Variants in SEMA5A observed in about 807,000 individuals in gnomAD.
SEMA5A encodes semaphorin 5A, also known as semaphorin-5A.
In SEMA5A, 55 loss-of-function variants were observed where a neutral mutation model predicts 135.5. The observed-to-expected ratio is 0.41, with a 90% CI of 0.33 to 0.51. The LOEUF is 0.51. SEMA5A is among the 20% of genes least tolerant of loss of function. SEMA5A has a pLI of 0.37. For synonymous variants in SEMA5A, 580 were observed against 546.5 expected (o/e 1.06, Z -0.85); for missense variants, 1,290 against 1,419.9 (o/e 0.91, Z 1.47).
At chr5:9,401,305 T>G (rs1310903311) in intron 2 of SEMA5A, among the ~76,000 whole-genome samples, 2 of 152,236 alleles carry the variant, frequency 1.3e-5, no homozygotes. Context: ...CATATTTTAC[T>G]GTACAGTGTG....
chr5:9,451,384 A>G (rs1758639325), intron 1 of SEMA5A, among the ~76,000 whole-genome samples: 1 of 152,186 alleles, frequency 6.6e-6, no homozygotes, highest in Admixed American at 6.5e-5. Flanking sequence ...GACTGGGAAC[A>G]AACTGCCTTG....
Position 9,202,299 on chromosome 5 carries a change from T to C in SEMA5A, c.647-59A>G, listed in dbSNP as rs1745761086. ...ACATTCATGTCATTCCCTTTTGGTCTTGCCTGCTCAGTATTTCATCCAAAG... is the reference window on the plus strand; with the variant it reads ...ACATTCATGTCATTCCCTTTTGGTCCTGCCTGCTCAGTATTTCATCCAAAG... On this transcript the variant is annotated intron_variant, in intron 8 of 22. Transcript: ENST00000382496. 1.7e-5 allele frequency: 26 copies of C among 1,558,142 alleles called. 1 individual carries two copies. The South Asian group carries it at 3.0e-4, about 18-fold the overall frequency.
chr5:9,161,510 A>G (rs552917345), intron 11 of SEMA5A, among the ~76,000 whole-genome samples: 1 of 152,250 alleles, frequency 6.6e-6, no homozygotes, highest in African/African-American at 2.4e-5. Context: ...ATATGTAATC[A>G]ATATAAAATA....
chr5:9,333,980 G>A (rs1753270901), intron 4 of SEMA5A, among the ~76,000 whole-genome samples: 1 of 151,956 alleles, frequency 6.6e-6, no homozygotes, highest in Non-Finnish European at 1.5e-5. Context: ...TGTGCATCCT[G>A]GAAATGAAAA....
chr5:9,501,464 T>A, intron 1 of SEMA5A, among the ~76,000 whole-genome samples: 1 of 152,136 alleles, frequency 6.6e-6, no homozygotes, highest in Non-Finnish European at 1.5e-5. Context: ...CCTTCTGAGT[T>A]TTTTCCTATG....
At chr5:9,049,425 A>C (rs978088404) in intron 21 of SEMA5A, among the ~76,000 whole-genome samples, 1 of 152,196 alleles carries the variant, frequency 6.6e-6, no homozygotes, top group African/African-American at 2.4e-5. Context: ...TCGGCCTCCC[A>C]AAGTGCTGGG....
intron 2 of SEMA5A, among the ~76,000 whole-genome samples, chr5:9,425,720 T>C (rs952348176): frequency 6.6e-6 from 1 of 152,230 alleles, no homozygotes; most frequent in African/African-American, 2.4e-5. Flanking sequence ...CAAGATTCCA[T>C]TTGGAGAAAC....
At chr5:9,464,586 A>G (rs1410929862) in intron 1 of SEMA5A, among the ~76,000 whole-genome samples, 1 of 152,170 alleles carries the variant, frequency 6.6e-6, no homozygotes, top group Non-Finnish European at 1.5e-5. Flanking sequence ...TTTTCAGTCA[A>G]ATTAGAGTTA....
At chr5:9,393,848 A>G (rs1240633615) in intron 2 of SEMA5A, among the ~76,000 whole-genome samples, 1 of 152,214 alleles carries the variant, frequency 6.6e-6, no homozygotes, top group Non-Finnish European at 1.5e-5. Context: ...TCATAGCAGC[A>G]TTGTTCATAA....
chr5:9,066,108 C>T (rs1737448383), intron 17 of SEMA5A, among the ~76,000 whole-genome samples: 1 of 152,202 alleles, frequency 6.6e-6, no homozygotes, highest in South Asian at 2.1e-4. Flanking sequence ...TATGAAAGAT[C>T]AGTGATGCTT....
chr5:9,310,426 C>A (rs940965865), intron 5 of SEMA5A, among the ~76,000 whole-genome samples: 13 of 151,898 alleles, frequency 8.6e-5, no homozygotes, highest in Non-Finnish European at 1.3e-4. Flanking sequence ...ACTTCTATGA[C>A]AATAAGAACA....
At chr5:9,257,544 G>A (rs1052221299) in intron 5 of SEMA5A, among the ~76,000 whole-genome samples, 3 of 151,598 alleles carry the variant, frequency 2.0e-5, no homozygotes, top group Admixed American at 2.0e-4. Context: ...AAAACAGTCA[G>A]CATTAACACA....
At chr5:9,419,697 T>C (rs577108771) in intron 2 of SEMA5A, among the ~76,000 whole-genome samples, 4 of 152,254 alleles carry the variant, frequency 2.6e-5, no homozygotes, top group Admixed American at 6.5e-5. Context: ...CACAAGTACA[T>C]GGCAGATTTA....
intron 16 of SEMA5A, among the ~76,000 whole-genome samples, chr5:9,096,565 T>A (rs1180147409): frequency 6.6e-6 from 1 of 151,046 alleles, no homozygotes; most frequent in Non-Finnish European, 1.5e-5. Context: ...TGTGTGTGTG[T>A]GTGTGTGTGT....
rs3842076 is a variant in SEMA5A, at chr5:9,352,094, C to CGGGGGG, written c.125-14288_125-14283dup. Among the ~76,000 whole-genome samples the CGGGGGG allele has an allele frequency of 2.0e-4, 27 of 132,348 alleles. 1 individual carries two copies. Among genetic ancestry groups the CGGGGGG allele is most frequent in the South Asian group, 8.6e-4 (3 of 3,482 alleles). 86.8% of individuals were successfully genotyped at this position (132,348 alleles called of 152,430 possible). On this transcript the variant is annotated intron_variant, in intron 3 of 22. Coordinates refer to ENST00000382496, the MANE Select transcript of SEMA5A (RefSeq NM_003966.3). ...TCAAATTCTAATGAATGTAACAGGT[C>CGGGGGG]GGGGGGGTTACTTAAGAGTAGGGTA...
At chr5:9,129,921 C>G (rs1741316115) in intron 13 of SEMA5A, among the ~76,000 whole-genome samples, 1 of 152,174 alleles carries the variant, frequency 6.6e-6, no homozygotes, top group Admixed American at 6.5e-5. Flanking sequence ...AAGAATCAAA[C>G]AAGCTAGTCC....
At chr5:9,276,276 GGAACAACAAACCACT>G (rs1270199767) in intron 5 of SEMA5A, among the ~76,000 whole-genome samples, 6 of 152,204 alleles carry the variant, frequency 3.9e-5, no homozygotes, top group Non-Finnish European at 5.9e-5. Flanking sequence ...CTCTTCAAGG[GGAACAACAAACCACT>G]GCTCAAGGAA....
intron 8 of SEMA5A, among the ~76,000 whole-genome samples, chr5:9,222,957 A>G (rs1236678012): frequency 6.6e-6 from 1 of 152,248 alleles, no homozygotes; most frequent in Non-Finnish European, 1.5e-5. Context: ...TGCTTCTGGC[A>G]AATGCTAATT....
intron 1 of SEMA5A, among the ~76,000 whole-genome samples, chr5:9,488,692 A>G (rs541506418): frequency 6.6e-6 from 1 of 152,258 alleles, no homozygotes; most frequent in African/African-American, 2.4e-5. Context: ...CCCAGATGAC[A>G]CGTATTTATT....
Sources: gnomAD v4.1 joint callset for allele counts (sites outside exome capture counted in the v4.1 genomes callset) on GRCh38, gnomAD v4.1.1 for gene constraint, MANE v1.5 for transcripts, NCBI Gene and HGNC (gene_info 2026-07-23, HGNC 2026-07-21) for gene names.